The following UNC79 variants were observed in gnomAD, a reference collection of about 807,000 sequenced individuals.
UNC79 encodes the protein unc-79 subunit of NALCN channel complex.
In UNC79, 37 loss-of-function variants were observed where a neutral mutation model predicts 283.1. That is an observed-to-expected ratio of 0.13 (90% CI 0.10 to 0.17). The LOEUF is 0.17. Ranked by LOEUF, UNC79 falls within the 10% of genes least tolerant of loss-of-function variation. The pLI is 1.00. For missense variants in UNC79, 2,272 were observed against 3,211.1 expected, an observed-to-expected ratio of 0.71 and a Z score of 7.07; for synonymous variants, 1,107 against 1,200.2, an observed-to-expected ratio of 0.92 and a Z score of 1.61.
chr14:93,406,820 T>C (rs1409169631), intron 1 of UNC79, among the ~76,000 whole-genome samples: 2 of 152,146 alleles, frequency 1.3e-5, no homozygotes, highest in Admixed American at 1.3e-4. Flanking sequence ...GAAGGTGAAC[T>C]GCATATATTA....
intron 1 of UNC79, among the ~76,000 whole-genome samples, chr14:93,364,030 C>T (rs116355493): frequency 0.013 from 2,006 of 152,104 alleles, 55 homozygotes; most frequent in African/African-American, 0.046. Flanking sequence ...TATGTAATGC[C>T]TTTCTTTGTC....
At chr14:93,343,218 G>A (rs569986774) in intron 1 of UNC79, among the ~76,000 whole-genome samples, 1 of 152,196 alleles carries the variant, frequency 6.6e-6, no homozygotes, top group African/African-American at 2.4e-5. Flanking sequence ...ACCTGAGACT[G>A]GATAGTTTAT....
chr14:93,699,218 C>T (rs1329424722), intron 47 of UNC79, among the ~76,000 whole-genome samples: 1 of 152,140 alleles, frequency 6.6e-6, no homozygotes, highest in Non-Finnish European at 1.5e-5. Flanking sequence ...AATCTATTAT[C>T]TTACTGCTTG....
chr14:93,347,171 C>T, intron 1 of UNC79: 7 of 1,416,484 alleles, frequency 4.9e-6, no homozygotes, highest in East Asian at 5.2e-5. Flanking sequence ...GCTGGGGCGC[C>T]TGCGCAAACC....
At chr14:93,430,042 T>C (rs541781662), upstream of UNC79, among the ~76,000 whole-genome samples, 59 of 152,230 alleles carry the variant, frequency 3.9e-4, no homozygotes, top group Non-Finnish European at 7.1e-4. This position sits in a 1 kb window ranked among gnomAD's most constrained non-coding sequence, Gnocchi z 4.6. Context: ...CCTATTAATA[T>C]GCACGATGCC....
chr14:93,494,593 T>C (rs2058932022), intron 5 of UNC79, among the ~76,000 whole-genome samples: 1 of 152,156 alleles, frequency 6.6e-6, no homozygotes, highest in Admixed American at 6.5e-5. Flanking sequence ...CACACAAGTG[T>C]CCAGTGACCT....
At chr14:93,661,989 C>G (rs1334863730) in intron 39 of UNC79, among the ~76,000 whole-genome samples, 1 of 152,190 alleles carries the variant, frequency 6.6e-6, no homozygotes, top group Non-Finnish European at 1.5e-5. Context: ...CCATCTAACT[C>G]TGTCTGACAC....
At chr14:93,375,307 A>G (rs2054532618) in intron 1 of UNC79, among the ~76,000 whole-genome samples, 1 of 152,156 alleles carries the variant, frequency 6.6e-6, no homozygotes, top group South Asian at 2.1e-4. Context: ...ACCTGAGCCC[A>G]AGAGGTCAAG....
At chr14:93,660,563 A>ATATATATATATATG (rs1203621990) in intron 39 of UNC79, among the ~76,000 whole-genome samples, 11 of 64,776 alleles carry the variant, frequency 1.7e-4, no homozygotes, top group African/African-American at 4.5e-4. Context: ...ATATATATAT[A>ATATATATATATATG]TGTGTGTGTG....
At chr14:93,348,184 T>G in intron 1 of UNC79, 1 of 987,604 alleles carries the variant, frequency 1.0e-6, no homozygotes, top group Non-Finnish European at 1.6e-6. Flanking sequence ...TGTGTTTTTG[T>G]TAACGAGCAA....
intron 5 of UNC79, among the ~76,000 whole-genome samples, chr14:93,491,034 CA>C (rs1327826715): frequency 2.0e-5 from 3 of 152,166 alleles, no homozygotes; most frequent in African/African-American, 7.2e-5. Flanking sequence ...AGTCCAAAAT[CA>C]AGGTGCTGGT....
intron 39 of UNC79, 104 bp from the exon 43 acceptor site, chr14:93,662,500 T>TA (rs566140578): frequency 1.1e-4 from 87 of 797,942 alleles, no homozygotes; most frequent in African/African-American, 4.3e-4. Flanking sequence ...AGTTTTCAAT[T>TA]AAAAAAAAGT....
At chr14:93,411,369 A>G (rs769707102) in intron 1 of UNC79, among the ~76,000 whole-genome samples, 55 of 152,190 alleles carry the variant, frequency 3.6e-4, no homozygotes, top group Non-Finnish European at 7.2e-4. Context: ...ACCTGGGGGA[A>G]CTTGCTGCCC....
At chr14:93,494,131 C>G (rs1449962070) in intron 5 of UNC79, among the ~76,000 whole-genome samples, 1 of 151,760 alleles carries the variant, frequency 6.6e-6, no homozygotes, top group Non-Finnish European at 1.5e-5. Context: ...TCTTGAACTC[C>G]TGACCTCAGG....
chr14:93,613,164 T>G, intron 27 of UNC79, 81 bp downstream of exon 28: 1 of 1,561,432 alleles, frequency 6.4e-7, no homozygotes, highest in South Asian at 1.2e-5. Context: ...GTAGCCAACG[T>G]TGGTTCAGCA....
intron 38 of UNC79, among the ~76,000 whole-genome samples, chr14:93,657,262 T>C (rs926161006): frequency 1.3e-5 from 2 of 152,078 alleles, no homozygotes; most frequent in African/African-American, 2.4e-5. Context: ...TTTAAGCACA[T>C]GGAACCTCCT....
chr14:93,527,976 G>GA lies in UNC79; in HGVS notation c.964-568dup, dbSNP rs35372771. 2.6e-3 allele frequency among the ~76,000 whole-genome samples: 354 copies of GA among 137,422 alleles called. 2 individuals carry two copies. The highest frequency in any genetic ancestry group is 5.2e-3 in the African/African-American group (194 of 37,252). 90.2% of individuals were successfully genotyped at this position (137,422 alleles called of 152,430 possible). A position where few individuals can be genotyped will look rare whatever the true frequency, so the allele number is the denominator to read the frequency against. On this transcript the variant is annotated intron_variant, in intron 8 of 48. Transcript: ENST00000555664. ...CAAACAAATTATAGGTCATGTGTAG[G>GA]AAAAAAAAAAAAAACACATGAAAAA...
At chr14:93,660,621 G>A (rs553102617) in intron 39 of UNC79, among the ~76,000 whole-genome samples, 30 of 131,782 alleles carry the variant, frequency 2.3e-4, no homozygotes, top group East Asian at 4.7e-4. Context: ...ACAGAGTCTC[G>A]CTCTGTCACC....
intron 47 of UNC79, among the ~76,000 whole-genome samples, chr14:93,702,888 C>T (rs2075630673): frequency 6.6e-6 from 1 of 152,238 alleles, no homozygotes; most frequent in Admixed American, 6.5e-5. Context: ...GCTCTTGCCT[C>T]CATTCCCTGC....
Sources: allele counts gnomAD v4.1 joint callset (sites outside exome capture counted in the v4.1 genomes callset), GRCh38; gene constraint gnomAD v4.1.1; non-coding constraint Gnocchi (gnomAD v3.1); transcripts MANE v1.5; gene names NCBI Gene and HGNC (gene_info 2026-07-23, HGNC 2026-07-21).